Variants in ZNF410 observed in about 807,000 individuals in gnomAD.
ZNF410 encodes another partner for ARF 1.
Under a neutral mutation model 54.8 loss-of-function variants are expected in ZNF410, and 18 were observed. That is an observed-to-expected ratio of 0.33 (90% confidence interval 0.23 to 0.49). The LOEUF (loss-of-function observed/expected upper bound fraction) is 0.49, where lower values mean the gene tolerates loss of function less well. ZNF410 is among the 20% of genes least tolerant of loss of function. The pLI is 0.99. For synonymous variants in ZNF410, 191 were observed against 207.3 expected, an observed-to-expected ratio of 0.92 and a Z score of 0.68; for missense variants, 405 against 569.6, an observed-to-expected ratio of 0.71 and a Z score of 2.94.
At position 73,931,671 on chromosome 14, in the gene ZNF410, C is replaced by T; in HGVS notation, c.*130C>T. ...GGCACAAGACTCTGCTTTTGCCACT[C>T]TTCCTCTTTCCTGGTATAGAAGATG... On this transcript the variant is annotated 3_prime_UTR_variant, in exon 12 of 12. Transcript: ENST00000555044. 2 of 787,878 alleles carry T rather than the reference C, an allele frequency of 2.5e-6. No individual in the cohort carries two copies. Among genetic ancestry groups the T allele is most frequent in the South Asian group, 3.1e-5 (2 of 64,596 alleles). 48.8% of individuals were successfully genotyped at this position (787,878 alleles called of 1,614,324 possible).
Position 73,905,090 on chromosome 14 carries a change from G to A in ZNF410, c.913+7G>A. On this transcript the variant is annotated splice_region_variant and intron_variant, in intron 7 of 11. Transcript: ENST00000555044. ...CACCGGCGCATCCACACAGGTGTGT[G>A]CAGCACCAACATTCCTTTGGGCAGT... 1 of 1,611,348 alleles carries A rather than the reference G, an allele frequency of 6.2e-7. No homozygotes were observed. Among genetic ancestry groups the A allele is most frequent in the African/African-American group, 1.3e-5 (1 of 74,920 alleles).
At chr14:73,906,003 ACTTTTTTT>A (rs2055484766) in intron 7 of ZNF410, among the ~76,000 whole-genome samples, 1 of 140,358 alleles carries the variant, frequency 7.1e-6, no homozygotes, top group Non-Finnish European at 1.5e-5. Context: ...ATACACACAT[ACTTTTTTT>A]TTTTTTGAGA....
intron 11 of ZNF410, among the ~76,000 whole-genome samples, chr14:73,925,759 C>T (rs527939640): frequency 6.6e-6 from 1 of 152,278 alleles, no homozygotes; most frequent in African/African-American, 2.4e-5. Flanking sequence ...ATGCCATGCT[C>T]AGTGGCCCAT....
intron 11 of ZNF410, among the ~76,000 whole-genome samples, chr14:73,930,999 C>T (rs2055903781): frequency 6.6e-6 from 1 of 152,090 alleles, no homozygotes; most frequent in African/African-American, 2.4e-5. Flanking sequence ...TGGTAGTTGC[C>T]ATTATGCAGG....
chr14:73,931,387 T>G lies in ZNF410; in HGVS notation c.1399-116T>G, dbSNP rs535189753. On this transcript the variant is annotated intron_variant, in intron 11 of 11. Transcript: ENST00000555044. ...GTGTTTGCTTTGGAAGTAGATAGCCTTCATTCACCCCTGTAGTGCATTCTC... is the reference window on the plus strand; with the variant it reads ...GTGTTTGCTTTGGAAGTAGATAGCCGTCATTCACCCCTGTAGTGCATTCTC... 5.5e-5 allele frequency: 47 copies of G among 852,174 alleles called. No homozygotes were observed. In the African/African-American group the frequency reaches 6.3e-4, roughly 11 times the overall value. The allele number at this position is 852,174 out of a possible 1,614,324, so 52.8% of individuals were successfully genotyped here.
chr14:73,909,606 T>TG (rs1236533702), intron 8 of ZNF410, 176 bp downstream of exon 8: 5 of 449,850 alleles, frequency 1.1e-5, no homozygotes, highest in South Asian at 2.9e-5. Context: ...ATAATCAAGG[T>TG]TGGGGGGGGG....
intron 1 of ZNF410, among the ~76,000 whole-genome samples, chr14:73,887,900 A>G (rs193186016): frequency 6.6e-6 from 1 of 152,174 alleles, no homozygotes; most frequent in East Asian, 1.9e-4. Context: ...GGCTATGACA[A>G]TTTTTCCGAG....
intron 3 of ZNF410, among the ~76,000 whole-genome samples, chr14:73,895,609 G>A (rs1205514204): frequency 6.6e-6 from 1 of 151,984 alleles, no homozygotes; most frequent in African/African-American, 2.4e-5. Flanking sequence ...AAGTATTTTA[G>A]ACATACAAGT....
intron 9 of ZNF410, 174 bp downstream of exon 9, chr14:73,921,279 A>G (rs67413943): frequency 0.13 from 85,815 of 664,284 alleles, 6,570 homozygotes; most frequent in Admixed American, 0.22. Flanking sequence ...ATCATCTGCA[A>G]CCTTTTAAAA....
Position 73,909,058 on chromosome 14 carries a change from C to T in ZNF410, c.914-283C>T, listed in dbSNP as rs141506699. Reference sequence around the variant, plus strand: ...TGATATCCTCAGATGGTGGGAGTCACTGAAGAAGGTAGGTTAATGCAACTC... The same window carrying T: ...TGATATCCTCAGATGGTGGGAGTCATTGAAGAAGGTAGGTTAATGCAACTC... On this transcript the variant is annotated intron_variant, in intron 7 of 11. Transcript: ENST00000555044. Among the ~76,000 whole-genome samples the T allele has an allele frequency of 2.8e-3, 428 of 152,216 alleles. 2 individuals carry two copies. Among genetic ancestry groups the T allele is most frequent in the African/African-American group, 9.9e-3 (412 of 41,542 alleles).
At chr14:73,912,039 C>T (rs1029225833) in intron 8 of ZNF410, among the ~76,000 whole-genome samples, 1 of 152,094 alleles carries the variant, frequency 6.6e-6, no homozygotes, top group Admixed American at 6.6e-5. Context: ...AAGAATATGT[C>T]AGAGATGGTT....
In ZNF410 at chr14:73,909,347, A is replaced by G. The variant is rs772360081; in HGVS notation, c.920A>G (p.Lys307Arg). ...TCTCATTTTCTGTCTCTAGGAGAGA[A>G]ACCTTTCCTTTGTGAAGCCCAAGGA... is the stretch of plus-strand genomic sequence containing the variant. ...KNHRRIHTGEKPFLCEAQGCG... is the reference protein window; with the variant it reads ...KNHRRIHTGERPFLCEAQGCG... The change falls in exon 8 of 12, where the codon AAA becomes AGA. Residue 307 changes from lysine to arginine, a missense_variant. Physicochemically the swap from Lys to Arg is conservative, Grantham distance 26. Around this residue, in one of 3 missense-constraint regions of ZNF410, gnomAD observed 31 missense variants for 85.5 expected, o/e 0.36. Coordinates refer to ENST00000555044, the MANE Select transcript of ZNF410 (RefSeq NM_021188.3). 6.2e-7 allele frequency: 1 copy of G among 1,613,650 alleles called. No individual in the cohort carries two copies. The highest frequency in any genetic ancestry group is 1.1e-5 in the South Asian group (1 of 90,984).
intron 3 of ZNF410, chr14:73,894,535 T>C (rs998354218): frequency 3.1e-6 from 2 of 649,128 alleles, no homozygotes; most frequent in Non-Finnish European, 5.5e-6. Flanking sequence ...CAAGCTATTC[T>C]CCTGCCTCAG....
At chr14:73,894,074 A>G (rs899875724) in intron 3 of ZNF410, 142 bp downstream of exon 3, 9 of 1,065,572 alleles carry the variant, frequency 8.4e-6, no homozygotes, top group Middle Eastern at 3.1e-4. Context: ...AAAAGCAACC[A>G]TGAAATCATT....
chr14:73,908,017 T>C (rs2055518263), intron 7 of ZNF410, among the ~76,000 whole-genome samples: 1 of 152,230 alleles, frequency 6.6e-6, no homozygotes, highest in South Asian at 2.1e-4. Flanking sequence ...CTTTTGAAAT[T>C]GTATTATCTC....
chr14:73,889,992 G>C (rs1187886800), intron 1 of ZNF410, among the ~76,000 whole-genome samples: 1 of 151,858 alleles, frequency 6.6e-6, no homozygotes, highest in Non-Finnish European at 1.5e-5. Context: ...AGACGGAGTT[G>C]CACCATGTTG....
chr14:73,928,795 A>G (rs186287777), intron 11 of ZNF410, among the ~76,000 whole-genome samples: 69 of 152,264 alleles, frequency 4.5e-4, no homozygotes, highest in Non-Finnish European at 7.8e-4. Flanking sequence ...AGTTTTTTAA[A>G]AAATTATCCA....
chr14:73,926,353 C>T (rs8015935), intron 11 of ZNF410, among the ~76,000 whole-genome samples: 98,148 of 151,824 alleles, frequency 0.65, 31,946 homozygotes, highest in South Asian at 0.72. Flanking sequence ...TTGTTTAATA[C>T]TTCTCTTAAT....
At position 73,896,550 on chromosome 14, in the gene ZNF410, T is replaced by C. The variant is rs770495686; in HGVS notation, c.388+16T>C. ...ACAAGAGCAGGTATTCTTTCCTTTTTTTTGGGCTCTGCTTATGCCTAAGAA... is the reference window on the plus strand; with the variant it reads ...ACAAGAGCAGGTATTCTTTCCTTTTCTTTGGGCTCTGCTTATGCCTAAGAA... On this transcript the variant is annotated intron_variant, in intron 4 of 11. Coordinates refer to ENST00000555044, the MANE Select transcript of ZNF410 (RefSeq NM_021188.3). The C allele has an allele frequency of 5.0e-6, 8 of 1,610,396 alleles. No homozygotes were observed. The highest frequency in any genetic ancestry group is 3.4e-4 in the Middle Eastern group (2 of 5,910).
Sources: allele counts gnomAD v4.1 joint callset (sites outside exome capture counted in the v4.1 genomes callset), GRCh38; gene constraint gnomAD v4.1.1; regional missense constraint gnomAD v4.1.1; transcripts MANE v1.5; gene names NCBI Gene and HGNC (gene_info 2026-07-23, HGNC 2026-07-21).